Variants in DNM1 observed in about 807,000 individuals in gnomAD.
The protein encoded by DNM1 is dynamin 1.
Under a neutral mutation model 104.6 loss-of-function variants are expected in DNM1, and 29 were observed. The observed-to-expected ratio is 0.28, with a 90% confidence interval of 0.21 to 0.38. DNM1 has a LOEUF of 0.38. DNM1 is among the 10% of genes least tolerant of loss of function. DNM1 has a pLI of 1.00. For synonymous variants in DNM1, 445 were observed against 475.8 expected (o/e 0.94, Z 0.84); for missense variants, 640 against 1,189.4 (o/e 0.54, Z 6.79).
At chr9:128,207,584 G>A (rs1834046096) in intron 1 of DNM1, among the ~76,000 whole-genome samples, 1 of 152,056 alleles carries the variant, frequency 6.6e-6, no homozygotes, top group South Asian at 2.1e-4. Flanking sequence ...GGGGCCGAGA[G>A]CATGGTGTGG....
intron 19 of DNM1, among the ~76,000 whole-genome samples, chr9:128,249,637 CAA>C (rs1205317162): frequency 2.1e-5 from 3 of 145,878 alleles, no homozygotes; most frequent in Non-Finnish European, 4.5e-5. Context: ...GCGTGGGTAA[CAA>C]GAGTGAAACT....
chr9:128,245,784 C>A lies in DNM1; in HGVS notation c.1672-610C>A, dbSNP rs1178748117. 2.0e-5 allele frequency among the ~76,000 whole-genome samples: 3 copies of A among 152,226 alleles called. No homozygotes were observed. The highest frequency in any genetic ancestry group is 2.0e-4 in the Admixed American group (3 of 15,288). The stretch of plus-strand genomic sequence containing the variant: ...CGCTGACACCGACACATGGTTCATG[C>A]TGGGCACCTCCCCAGATACACATGT... On this transcript the variant is annotated intron_variant, in intron 15 of 21. Coordinates refer to ENST00000372923, the MANE Select transcript of DNM1 (RefSeq NM_004408.4). This position sits in a 1 kb window ranked among gnomAD's most constrained non-coding sequence, Gnocchi z 5.2.
At position 128,253,361 on chromosome 9, in the gene DNM1, T is replaced by A. The variant is rs1292212753; in HGVS notation, c.2535-1293T>A. The A allele has an allele frequency of 4.3e-5, 25 of 577,508 alleles. No individual in the cohort carries two copies. The highest frequency in any genetic ancestry group is 7.1e-5 in the Non-Finnish European group (23 of 323,216). The allele number at this position is 577,508 out of a possible 1,614,324, so 35.8% of individuals were successfully genotyped here. On this transcript the variant is annotated intron_variant, in intron 21 of 21. Coordinates refer to ENST00000372923, the MANE Select transcript of DNM1 (RefSeq NM_004408.4). This position sits in a 1 kb window ranked among gnomAD's most constrained non-coding sequence, Gnocchi z 5.9. The stretch of plus-strand genomic sequence containing the variant: ...TGCCACTGCCCAAGGCCTCCATGGC[T>A]GAGCCTGGAGGCTCTTGGAACAGGC...
At chr9:128,239,669 T>C in intron 12 of DNM1, 59 bp from the exon 13 acceptor site, 1 of 1,548,050 alleles carries the variant, frequency 6.5e-7, no homozygotes, top group Non-Finnish European at 8.9e-7. Flanking sequence ...CACTAAGCAG[T>C]GGGCAGTAGA....
chr9:128,244,784 A>G (rs777889185), intron 15 of DNM1: 18 of 534,214 alleles, frequency 3.4e-5, no homozygotes, highest in Non-Finnish European at 6.5e-5. Context: ...GGGAGTCCTG[A>G]ACAGATAGTC....
At chr9:128,251,022 G>A in intron 21 of DNM1, 82 bp downstream of exon 21, 2 of 927,198 alleles carry the variant, frequency 2.2e-6, no homozygotes, top group Non-Finnish European at 3.3e-6. Flanking sequence ...CCAGAGCATC[G>A]GACCTGGCCG....
At chr9:128,233,519 C>T (rs879590296) in intron 10 of DNM1, 2 of 157,504 alleles carry the variant, frequency 1.3e-5, no homozygotes, top group Admixed American at 1.2e-4. Flanking sequence ...ACTCAGGAGG[C>T]CAACTGGCAC....
Position 128,242,345 on chromosome 9 carries a change from G to A in DNM1, c.1671G>A (p.Glu557=), listed in dbSNP as rs1836419121. The A allele has an allele frequency of 3.2e-6, 5 of 1,547,102 alleles. No individual in the cohort carries two copies. Among genetic ancestry groups the A allele is most frequent in the Non-Finnish European group, 3.6e-6 (4 of 1,118,962 alleles). Residue 557 remains glutamate, a splice_region_variant and synonymous_variant, in exon 15 of 22, where the codon GAG becomes GAA. Coordinates refer to ENST00000372923, the MANE Select transcript of DNM1 (RefSeq NM_004408.4). Reference sequence around the variant, plus strand: ...ATCTGTCCTGGTACAAGGATGATGAGGTGAGTCAAGGGCCAGTGGTCATCA... The same window carrying A: ...ATCTGTCCTGGTACAAGGATGATGAAGTGAGTCAAGGGCCAGTGGTCATCA... ...AENLSWYKDD[E]EKEKKYMLSV...
chr9:128,214,731 C>G (rs1303974514), intron 1 of DNM1, among the ~76,000 whole-genome samples: 3 of 152,234 alleles, frequency 2.0e-5, no homozygotes, highest in Non-Finnish European at 4.4e-5. Flanking sequence ...GGCACAGCCT[C>G]CCTGGGAACC....
At chr9:128,229,782 G>C (rs1835563233) in intron 10 of DNM1, among the ~76,000 whole-genome samples, 2 of 151,930 alleles carry the variant, frequency 1.3e-5, no homozygotes. Flanking sequence ...GTGTGGTGGT[G>C]GGCACCTGTA....
rs1051766292 is a variant in DNM1 at position 128,219,074 on chromosome 9, G to A, written c.411G>A (p.Leu137=). The A allele has an allele frequency of 1.2e-6, 2 of 1,614,042 alleles. No homozygotes were observed. Among genetic ancestry groups the A allele is most frequent in the African/African-American group, 1.3e-5 (1 of 75,046 alleles). ...TGCTGAACCTGACCCTGGTGGACCT[G>A]CCCGGAATGACCAAGGTCCCGGTGG... ...PHVLNLTLVD[L]PGMTKVPVGD... Residue 137 remains leucine (L), a synonymous_variant, in exon 4 of 22, where the codon CTG becomes CTA. Transcript: ENST00000372923.
Position 128,219,153 on chromosome 9 carries a change from G to A in DNM1, c.490G>A (p.Val164Ile), listed in dbSNP as rs1355381156. ...FQIRDMLMQF[V>I]TKENCLILAV... ...GATCCGAGACATGCTTATGCAGTTT[G>A]TCACCAAGGAGAACTGCCTCATCCT... The change falls in exon 4 of 22, where the codon GTC becomes ATC. Residue 164 changes from valine to isoleucine, a missense_variant. By Grantham distance (29) the Val-to-Ile change is conservative. Coordinates refer to ENST00000372923, the MANE Select transcript of DNM1 (RefSeq NM_004408.4). 1 of 1,614,054 alleles carries A rather than the reference G, an allele frequency of 6.2e-7. No homozygotes were observed. The highest frequency in any genetic ancestry group is 8.5e-7 in the Non-Finnish European group (1 of 1,180,042).
chr9:128,203,548 C>T lies in DNM1; in HGVS notation c.78C>T (p.Asn26=), dbSNP rs1327616821. 1.3e-6 allele frequency: 2 copies of T among 1,548,258 alleles called. No homozygotes were observed. Among genetic ancestry groups the T allele is most frequent in the African/African-American group, 1.4e-5 (1 of 70,398 alleles). Residue 26 remains asparagine, a synonymous_variant, in exon 1 of 22, where the codon AAC becomes AAT. Transcript: ENST00000372923. This position sits in a 1 kb window ranked among gnomAD's most constrained non-coding sequence, Gnocchi z 5.3. ...ACGCCTTCTCTGCCATCGGCCAGAA[C>T]GCGGACCTCGACCTGCCGCAGATCG... ...LQDAFSAIGQ[N]ADLDLPQIAV...
chr9:128,251,054 C>T (rs1460000356), intron 21 of DNM1, 114 bp downstream of exon 21: 1 of 761,930 alleles, frequency 1.3e-6, no homozygotes, highest in East Asian at 2.8e-5. Flanking sequence ...CGTTTCTATC[C>T]CAGGCAATCG....
intron 1 of DNM1, among the ~76,000 whole-genome samples, chr9:128,207,829 G>A (rs1162665700): frequency 1.3e-5 from 2 of 152,150 alleles, no homozygotes; most frequent in Non-Finnish European, 2.9e-5. Context: ...AGACAGGCAA[G>A]CCCTCTGGGA....
In DNM1 at chr9:128,222,569, C is replaced by T. The variant is rs747430397; in HGVS notation, c.1101C>T (p.His367=). 1.7e-5 allele frequency: 28 copies of T among 1,614,046 alleles called. No homozygotes were observed. The highest frequency in any genetic ancestry group is 1.5e-4 in the Admixed American group (9 of 60,002). ...SGGARINRIF[H]ERFPFELVKM... ...GAGCCCGCATTAACCGAATCTTCCA[C>T]GAGCGCTTCCCTTTCGAGCTGGTCA... The change falls in exon 8 of 22, where the codon CAC becomes CAT. Residue 367 remains histidine, a synonymous_variant. Transcript: ENST00000372923. This position sits in a 1 kb window ranked among gnomAD's most constrained non-coding sequence, Gnocchi z 7.8.
chr9:128,237,080 T>C (rs1454167878), intron 11 of DNM1, among the ~76,000 whole-genome samples: 1 of 152,166 alleles, frequency 6.6e-6, no homozygotes, highest in Non-Finnish European at 1.5e-5. Flanking sequence ...AACGCTACAT[T>C]TGTGGACTTT....
At chr9:128,237,557 C>T (rs1187588241) in intron 11 of DNM1, among the ~76,000 whole-genome samples, 1 of 152,176 alleles carries the variant, frequency 6.6e-6, no homozygotes, top group South Asian at 2.1e-4. Context: ...GCGTGAGCCA[C>T]CCCGCCCGGC....
chr9:128,222,085 C>A lies in DNM1; in HGVS notation c.850-112C>A. On this transcript the variant is annotated intron_variant, in intron 6 of 21. Coordinates refer to ENST00000372923, the MANE Select transcript of DNM1 (RefSeq NM_004408.4). This position sits in a 1 kb window ranked among gnomAD's most constrained non-coding sequence, Gnocchi z 7.8. The stretch of plus-strand genomic sequence containing the variant: ...AGTGGCCCGGGCAGCAGTGGCAGGG[C>A]TGCCCTCCATAGCTCTCCACCTCAC... 1 of 1,336,556 alleles carries A rather than the reference C, an allele frequency of 7.5e-7. No homozygotes were observed. Among genetic ancestry groups the A allele is most frequent in the Non-Finnish European group, 1.0e-6 (1 of 985,146 alleles). 82.8% of individuals were successfully genotyped at this position (1,336,556 alleles called of 1,614,324 possible). A position where few individuals can be genotyped will look rare whatever the true frequency, so the allele number is the denominator to read the frequency against.
Sources: gnomAD v4.1 joint callset for allele counts (sites outside exome capture counted in the v4.1 genomes callset) on GRCh38, gnomAD v4.1.1 for gene constraint, Gnocchi (gnomAD v3.1) non-coding constraint, MANE v1.5 for transcripts, NCBI Gene and HGNC (gene_info 2026-07-23, HGNC 2026-07-21) for gene names.